CCBE1: variants seen among roughly 807,000 people sequenced by gnomAD.
The protein encoded by CCBE1 is collagen and calcium binding EGF domains 1.
A neutral mutation model predicts 50.0 loss-of-function variants in CCBE1; 37 were observed. The ratio of observed to expected loss-of-function variants is 0.74; its 90% CI spans 0.57 to 0.97. CCBE1 has a LOEUF of 0.97. CCBE1 is among the 50% of genes least tolerant of loss of function. The pLI is 0.00. For missense variants in CCBE1, 538 were observed against 523.8 expected, an observed-to-expected ratio of 1.03 and a Z score of -0.26; for synonymous variants, 234 against 203.7, an observed-to-expected ratio of 1.15 and a Z score of -1.27.
chr18:59,636,640 C>T (rs2053920372), intron 2 of CCBE1, among the ~76,000 whole-genome samples: 1 of 152,190 alleles, frequency 6.6e-6, no homozygotes, highest in Admixed American at 6.5e-5. Context: ...GTAAAACCAA[C>T]ATTTATAGAG....
chr18:59,509,252 C>T (rs1016325038), intron 2 of CCBE1, among the ~76,000 whole-genome samples: 9 of 151,958 alleles, frequency 5.9e-5, no homozygotes, highest in Non-Finnish European at 1.3e-4. Flanking sequence ...CTGGGCATTG[C>T]CTAACAAAGT....
At chr18:59,579,046 C>T (rs2053045190) in intron 2 of CCBE1, among the ~76,000 whole-genome samples, 1 of 152,136 alleles carries the variant, frequency 6.6e-6, no homozygotes, top group Non-Finnish European at 1.5e-5. Context: ...GGCTTAAAGA[C>T]AGATTTCAGC....
intron 3 of CCBE1, among the ~76,000 whole-genome samples, chr18:59,473,170 G>A (rs1912119094): frequency 6.6e-6 from 1 of 152,116 alleles, no homozygotes; most frequent in Non-Finnish European, 1.5e-5. Context: ...GTCATAAAAG[G>A]GGTAAAAGTT....
chr18:59,651,500 G>T lies in CCBE1; in HGVS notation c.212+45129C>A, dbSNP rs370729088. 6.2e-4 allele frequency among the ~76,000 whole-genome samples: 94 copies of T among 152,302 alleles called. 1 individual carries two copies. The South Asian group carries it at 0.019, about 31-fold the overall frequency. On this transcript the variant is annotated intron_variant, in intron 2 of 10. Coordinates refer to ENST00000439986, the MANE Select transcript of CCBE1 (RefSeq NM_133459.4). ...GGGATTAGGCTGGCAGTCATTCACA[G>T]AACTAAATCAAGATTTTTCTGCACT...
At chr18:59,465,684 T>G (rs1044450672) in intron 5 of CCBE1, 4 of 152,226 alleles carry the variant, frequency 2.6e-5, no homozygotes, top group African/African-American at 9.6e-5. Flanking sequence ...CACTCTCAAT[T>G]TTTGTTTTTA....
At chr18:59,617,130 T>G (rs1408828244) in intron 2 of CCBE1, among the ~76,000 whole-genome samples, 1 of 152,142 alleles carries the variant, frequency 6.6e-6, no homozygotes, top group Admixed American at 6.5e-5. Context: ...ACTATACCAG[T>G]GTACAGTACA....
chr18:59,633,734 T>G (rs1375383360), intron 2 of CCBE1, among the ~76,000 whole-genome samples: 1 of 150,966 alleles, frequency 6.6e-6, no homozygotes, highest in African/African-American at 2.5e-5. Flanking sequence ...AGGGTTTGTT[T>G]TTTTTTTTTT....
At chr18:59,534,215 C>G (rs376299464) in intron 2 of CCBE1, among the ~76,000 whole-genome samples, 24 of 152,206 alleles carry the variant, frequency 1.6e-4, no homozygotes, top group African/African-American at 5.5e-4. Flanking sequence ...TAGAAGTCTA[C>G]CGACCTCAAA....
intron 3 of CCBE1, among the ~76,000 whole-genome samples, chr18:59,477,565 T>TGTGTGTGCGTGC (rs398059300): frequency 6.8e-6 from 1 of 146,082 alleles, no homozygotes; most frequent in Non-Finnish European, 1.5e-5. Flanking sequence ...TGTGTGTGTG[T>TGTGTGTGCGTGC]GCACCTGCAT....
intron 2 of CCBE1, among the ~76,000 whole-genome samples, chr18:59,599,799 C>A (rs9961372): frequency 0.12 from 17,577 of 152,154 alleles, 3,030 homozygotes; most frequent in African/African-American, 0.38. Context: ...AGTCAGAGAC[C>A]TGACAGGCTC....
intron 2 of CCBE1, among the ~76,000 whole-genome samples, chr18:59,547,080 A>AGAGGG (rs1491575459): frequency 5.6e-5 from 6 of 106,632 alleles, no homozygotes; most frequent in Non-Finnish European, 1.1e-4. Context: ...AGGGGGAGAG[A>AGAGGG]AAGGGAGAGA....
intron 5 of CCBE1, among the ~76,000 whole-genome samples, chr18:59,458,689 G>C (rs1911321393): frequency 6.6e-6 from 1 of 152,218 alleles, no homozygotes; most frequent in Non-Finnish European, 1.5e-5. Context: ...CGTTTTGGAG[G>C]AGTGGGTGCA....
intron 5 of CCBE1, among the ~76,000 whole-genome samples, chr18:59,460,113 C>T (rs1911390943): frequency 6.6e-6 from 1 of 152,224 alleles, no homozygotes; most frequent in African/African-American, 2.4e-5. Flanking sequence ...CTGGCTCCGG[C>T]TACATATTTT....
intron 2 of CCBE1, among the ~76,000 whole-genome samples, chr18:59,663,377 A>G (rs2054311600): frequency 6.6e-6 from 1 of 152,178 alleles, no homozygotes; most frequent in African/African-American, 2.4e-5. Context: ...AAGTCAACAT[A>G]TGTCCTGATT....
At chr18:59,502,779 G>A (rs1341801355) in intron 2 of CCBE1, among the ~76,000 whole-genome samples, 2 of 152,184 alleles carry the variant, frequency 1.3e-5, no homozygotes, top group Non-Finnish European at 2.9e-5. Context: ...TAAGAGCGCT[G>A]TGCTTGTCGA....
chr18:59,487,411 C>T (rs1376946743), intron 2 of CCBE1, among the ~76,000 whole-genome samples: 1 of 152,108 alleles, frequency 6.6e-6, no homozygotes, highest in Non-Finnish European at 1.5e-5. Context: ...TTGCTGAAAT[C>T]TTTATTGAGC....
At position 59,614,925 on chromosome 18, in the gene CCBE1, T is replaced by C. The variant is rs375211948; in HGVS notation, c.212+81704A>G. On this transcript the variant is annotated intron_variant, in intron 2 of 10. Transcript: ENST00000439986. ...CCTCCCACACCTCTACAACAAACCA[T>C]AGGATGTACCATTTCTTAGTCAATA... is the stretch of plus-strand genomic sequence containing the variant. Among the ~76,000 whole-genome samples the C allele has an allele frequency of 6.2e-4, 95 of 152,326 alleles. 1 individual carries two copies. Among genetic ancestry groups the C allele is most frequent in the African/African-American group, 2.2e-3 (93 of 41,584 alleles).
intron 2 of CCBE1, among the ~76,000 whole-genome samples, chr18:59,532,050 G>T (rs933199421): frequency 2.0e-5 from 3 of 152,118 alleles, no homozygotes; most frequent in Non-Finnish European, 4.4e-5. Context: ...GACCGTCTAT[G>T]TATCTCTACA....
At position 59,696,623 on chromosome 18, in the gene CCBE1, G is replaced by A; in HGVS notation, c.212+6C>T. The A allele has an allele frequency of 6.2e-7, 1 of 1,613,784 alleles. No individual in the cohort carries two copies. Among genetic ancestry groups the A allele is most frequent in the Non-Finnish European group, 8.5e-7 (1 of 1,179,918 alleles). On this transcript the variant is annotated splice_donor_region_variant and intron_variant, in intron 2 of 10. Transcript: ENST00000439986. Reference sequence around the variant, plus strand: ...GGCGAACAGCCCGCAGAGCCCCCAGGCTTACCTGTAGCATGTGGTGAGCTC... The same window carrying A: ...GGCGAACAGCCCGCAGAGCCCCCAGACTTACCTGTAGCATGTGGTGAGCTC...
Sources: allele counts gnomAD v4.1 joint callset (sites outside exome capture counted in the v4.1 genomes callset), GRCh38; gene constraint gnomAD v4.1.1; transcripts MANE v1.5; gene names NCBI Gene and HGNC (gene_info 2026-07-23, HGNC 2026-07-21).